The following CLPTM1L variants were observed in gnomAD, a reference collection of about 807,000 sequenced individuals.
CLPTM1L encodes the protein CLPTM1 like, also known as lipid scramblase CLPTM1L.
CLPTM1L carries 38 observed loss-of-function variants against 70.9 expected under a neutral mutation model. The observed-to-expected ratio is 0.54, with a 90% CI of 0.41 to 0.70. The LOEUF (loss-of-function observed/expected upper bound fraction) is 0.70. Among genes scored for constraint, CLPTM1L ranks in the 30% least tolerant of loss-of-function variants. CLPTM1L has a pLI of 0.00. For synonymous variants in CLPTM1L, 339 were observed against 299.9 expected, an observed-to-expected ratio of 1.13 and a Z score of -1.35; for missense variants, 652 against 705.9, an observed-to-expected ratio of 0.92 and a Z score of 0.87.
intron 5 of CLPTM1L, 86 bp from the exon 6 acceptor site, chr5:1,335,260 C>A: frequency 9.4e-7 from 1 of 1,059,914 alleles, no homozygotes; most frequent in Non-Finnish European, 1.4e-6. Flanking sequence ...TGCCATCCCC[C>A]TTCCCATCCC....
At chr5:1,336,970 T>C (rs1753613634) in intron 5 of CLPTM1L, among the ~76,000 whole-genome samples, 1 of 151,956 alleles carries the variant, frequency 6.6e-6, no homozygotes, top group African/African-American at 2.4e-5. Context: ...AGCCCTCTGC[T>C]CTCCCCAGGA....
At position 1,325,753 on chromosome 5, in the gene CLPTM1L, G is replaced by A. The variant is rs1224769720; in HGVS notation, c.1144C>T (p.Gln382Ter). The A allele has an allele frequency of 6.2e-7, 1 of 1,613,012 alleles. No individual in the cohort carries two copies. Among genetic ancestry groups the A allele is most frequent in the Admixed American group, 1.7e-5 (1 of 60,016 alleles). The change falls in exon 10 of 17, where the codon CAG becomes TAG. Residue 382 changes from glutamine to a stop codon, truncating the protein, a stop_gained and splice_region_variant. Transcript: ENST00000320895. LOFTEE classifies it high-confidence loss of function. ...IFWRGLMPEF[Q>*]FGTYSESERK... ...CAGCCATTACAACTAAATCCTACCT[G>A]AAATTCGGGCATCAGGCCTCTCCAA...
Position 1,344,956 on chromosome 5 carries a change from C to A in CLPTM1L, c.-115G>T. 1 of 486,796 alleles carries A rather than the reference C, an allele frequency of 2.1e-6. No individual in the cohort carries two copies. Among genetic ancestry groups the A allele is most frequent in the Non-Finnish European group, 2.7e-6 (1 of 375,742 alleles). The allele number at this position is 486,796 out of a possible 1,614,324, so 30.2% of individuals were successfully genotyped here. A position where few individuals can be genotyped will look rare whatever the true frequency, so the allele number is the denominator to read the frequency against. Reference sequence around the variant, plus strand: ...CCGCTCACTGGAGAGCCGCCGCGCGCCACCGCCACCGCCGCGGGGGAACGA... The same window carrying A: ...CCGCTCACTGGAGAGCCGCCGCGCGACACCGCCACCGCCGCGGGGGAACGA... On this transcript the variant is annotated 5_prime_UTR_variant, in exon 1 of 17. Transcript: ENST00000320895.
rs138885969 is a variant in CLPTM1L at position 1,334,126 on chromosome 5, G to A, written c.891+163C>T. The stretch of plus-strand genomic sequence containing the variant: ...GAAACCGCCCACTGGGACAATGGTC[G>A]CCTGGTGTCAGGCGTGCTGGCTGCT... On this transcript the variant is annotated intron_variant, in intron 7 of 16. Transcript: ENST00000320895. 0.032 allele frequency among the ~76,000 whole-genome samples: 4,927 copies of A among 152,252 alleles called. 97 individuals carry two copies. The highest frequency in any genetic ancestry group is 0.04 in the Non-Finnish European group (2,709 of 67,996).
Position 1,344,380 on chromosome 5 carries a change from T to C in CLPTM1L, c.234A>G (p.Glu78=), listed in dbSNP as rs781006627. 1 of 1,613,866 alleles carries C rather than the reference T, an allele frequency of 6.2e-7. No individual in the cohort carries two copies. Among genetic ancestry groups the C allele is most frequent in the South Asian group, 1.1e-5 (1 of 91,090 alleles). The change falls in exon 2 of 17, where the codon GAA becomes GAG. Residue 78 remains glutamate (E), a synonymous_variant. Transcript: ENST00000320895. ...CAAATTTGGACTCCACATCAAAGTC[T>C]TCCACATTCAAGACCAGGTCGATGT... The part of the protein sequence containing the change: ...ENNIDLVLNV[E]DFDVESKFER...
At chr5:1,327,784 C>CCCAGCTCCTCCTCGACAGACACATTCCAT (rs1752722413) in intron 9 of CLPTM1L, among the ~76,000 whole-genome samples, 1 of 104,174 alleles carries the variant, frequency 9.6e-6, no homozygotes, top group South Asian at 3.6e-4. Context: ...GGACATTCCA[C>CCCAGCTCCTCCTCGACAGACACATTCCAT]CCAGCTCCTC....
At chr5:1,324,657 C>A in intron 11 of CLPTM1L, 106 bp downstream of exon 11, 1 of 1,134,186 alleles carries the variant, frequency 8.8e-7, no homozygotes, top group Non-Finnish European at 1.3e-6. Flanking sequence ...CGGGCTGACC[C>A]GTACTCCAAG....
intron 5 of CLPTM1L, 118 bp downstream of exon 5, chr5:1,337,786 A>G: frequency 2.4e-6 from 2 of 828,062 alleles, no homozygotes; most frequent in South Asian, 1.5e-5. Flanking sequence ...AGCACGGGTA[A>G]AAGCACCGTG....
chr5:1,330,178 C>A (rs1752989294), intron 9 of CLPTM1L, 102 bp downstream of exon 9: 2 of 917,660 alleles, frequency 2.2e-6, no homozygotes, highest in Non-Finnish European at 3.5e-6. Context: ...AACAAGCACA[C>A]AGGCTTCCAC....
chr5:1,341,706 C>A lies in CLPTM1L; in HGVS notation c.418G>T (p.Glu140Ter). 1 of 1,612,048 alleles carries A rather than the reference C, an allele frequency of 6.2e-7. No homozygotes were observed. Among genetic ancestry groups the A allele is most frequent in the Non-Finnish European group, 8.5e-7 (1 of 1,178,408 alleles). The change falls in exon 3 of 17, where the codon GAA becomes TAA. Residue 140 changes from glutamate to a stop codon, truncating the protein, a stop_gained. Coordinates refer to ENST00000320895, the MANE Select transcript of CLPTM1L (RefSeq NM_030782.5). LOFTEE classifies it high-confidence loss of function. Reference protein sequence around the residue: ...LTTYMVPKPEEINLLTGESDT... With the variant: ...LTTYMVPKPE ...GACTCCCCGGTGAGCAGGTTGATTT[C>A]TTCTGGCTTGGGGACCATGTAGGTG...
Position 1,330,144 on chromosome 5 carries a change from T to A in CLPTM1L, c.1080+136A>T, listed in dbSNP as rs564872814. Reference sequence around the variant, plus strand: ...CACCCACTGCCTGCCATCCTACAGCTTCCAGAACACTGAGGCCATCGGGAA... The same window carrying A: ...CACCCACTGCCTGCCATCCTACAGCATCCAGAACACTGAGGCCATCGGGAA... On this transcript the variant is annotated intron_variant, in intron 9 of 16. Transcript: ENST00000320895. 135 of 726,394 alleles carry A rather than the reference T, an allele frequency of 1.9e-4. 1 individual carries two copies. The highest frequency in any genetic ancestry group is 3.1e-4 in the Non-Finnish European group (129 of 412,054). The allele number at this position is 726,394 out of a possible 1,614,324, so 45.0% of individuals were successfully genotyped here. A position where few individuals can be genotyped will look rare whatever the true frequency, so the allele number is the denominator to read the frequency against.
chr5:1,341,434 C>T (rs1036195650), intron 3 of CLPTM1L, among the ~76,000 whole-genome samples: 2 of 152,146 alleles, frequency 1.3e-5, no homozygotes, highest in Admixed American at 6.5e-5. Flanking sequence ...GACTCTGCAT[C>T]GAGAATGCCA....
chr5:1,335,831 G>A lies in CLPTM1L; in HGVS notation c.679-657C>T, dbSNP rs144165464. On this transcript the variant is annotated intron_variant, in intron 5 of 16. Transcript: ENST00000320895. ...GGGTGAGGAACGGGTTCACAAGCGC[G>A]AGCCCACACCCTACAGCACGTGGGC... 1.5e-3 allele frequency among the ~76,000 whole-genome samples: 222 copies of A among 152,302 alleles called. 2 individuals carry two copies. Among genetic ancestry groups the A allele is most frequent in the African/African-American group, 5.2e-3 (215 of 41,560 alleles).
In CLPTM1L at chr5:1,323,823, C is replaced by A. The variant is rs766018144; in HGVS notation, c.1244G>T (p.Gly415Val). 3 of 1,613,736 alleles carry A rather than the reference C, an allele frequency of 1.9e-6. No homozygotes were observed. Among genetic ancestry groups the A allele is most frequent in the Non-Finnish European group, 2.5e-6 (3 of 1,179,830 alleles). The stretch of plus-strand genomic sequence containing the variant: ...GATATTCAGGAGTGAATAGACAGCA[C>A]CCCCGACACAGAGAGGGTACAGCAG... ...SYLLYPLCVG[G>V]AVYSLLNIKY... The change falls in exon 12 of 17, where the codon GGT becomes GTT. Residue 415 changes from glycine (G) to valine (V), a missense_variant. Around this residue, in one of 3 missense-constraint regions of CLPTM1L, gnomAD observed 240 missense variants for 295.0 expected, o/e 0.81. Transcript: ENST00000320895.
Position 1,318,086 on chromosome 5 carries a change from G to A in CLPTM1L, c.*283C>T, listed in dbSNP as rs1751933971. 1 of 452,540 alleles carries A rather than the reference G, an allele frequency of 2.2e-6. No individual in the cohort carries two copies. The allele number at this position is 452,540 out of a possible 1,614,324, so 28.0% of individuals were successfully genotyped here. On this transcript the variant is annotated 3_prime_UTR_variant, in exon 17 of 17. Coordinates refer to ENST00000320895, the MANE Select transcript of CLPTM1L (RefSeq NM_030782.5). This position sits in a 1 kb window ranked among gnomAD's most constrained non-coding sequence, Gnocchi z 8.9. ...AGGGCTCCCACCCCTGCCCGCGTGAGGACATGGCCGAACCCCGGACACTCG... is the reference window on the plus strand; with the variant it reads ...AGGGCTCCCACCCCTGCCCGCGTGAAGACATGGCCGAACCCCGGACACTCG...
chr5:1,328,555 A>G (rs1366321735), intron 9 of CLPTM1L, among the ~76,000 whole-genome samples: 3 of 148,608 alleles, frequency 2.0e-5, no homozygotes, highest in African/African-American at 7.6e-5. Context: ...CTCCTCCTCT[A>G]CGGACACATT....
Position 1,329,527 on chromosome 5 carries a change from AGCCTCAGGACTCTCTGCTTGGTGGACAGG to A in CLPTM1L, c.1080+724_1080+752del, listed in dbSNP as rs1561238686. Reference sequence around the variant, plus strand: ...TCAGGACTCTCTGCTTGGTGGACAGAGCCTCAGGACTCTCTGCTTGGTGGACAGGGCCTCAGGACTCTCTGCTTGGTGGA... The same window carrying A: ...TCAGGACTCTCTGCTTGGTGGACAGAGCCTCAGGACTCTCTGCTTGGTGGA... On this transcript the variant is annotated intron_variant, in intron 9 of 16. Coordinates refer to ENST00000320895, the MANE Select transcript of CLPTM1L (RefSeq NM_030782.5). Among the ~76,000 whole-genome samples the A allele has an allele frequency of 1.7e-3, 171 of 98,796 alleles. 2 individuals are homozygous for A. Among genetic ancestry groups the A allele is most frequent in the African/African-American group, 4.6e-3 (99 of 21,418 alleles). 64.8% of individuals were successfully genotyped at this position (98,796 alleles called of 152,430 possible).
At chr5:1,326,864 C>T (rs1752608736) in intron 9 of CLPTM1L, among the ~76,000 whole-genome samples, 1 of 151,044 alleles carries the variant, frequency 6.6e-6, no homozygotes, top group Non-Finnish European at 1.5e-5. Context: ...CATCCAGCTC[C>T]TCCTCGACAG....
At chr5:1,323,028 G>A (rs532701611) in intron 12 of CLPTM1L, 117 bp from the exon 13 acceptor site, 77 of 972,200 alleles carry the variant, frequency 7.9e-5, no homozygotes, top group Middle Eastern at 4.7e-4. Context: ...ATGCTCTCAC[G>A]GCAGCTCGGC....
Sources: gnomAD v4.1 joint callset for allele counts (sites outside exome capture counted in the v4.1 genomes callset) on GRCh38, gnomAD v4.1.1 for gene constraint, gnomAD v4.1.1 regional missense constraint, Gnocchi (gnomAD v3.1) non-coding constraint, MANE v1.5 for transcripts, NCBI Gene and HGNC (gene_info 2026-07-23, HGNC 2026-07-21) for gene names.